Variants in DOCK4 observed in about 807,000 individuals in gnomAD.
The protein encoded by DOCK4 is dedicator of cytokinesis protein 4.
In DOCK4, 97 loss-of-function variants were observed where a neutral mutation model predicts 268.1. That is an observed-to-expected ratio of 0.36 (90% CI 0.31 to 0.43). The LOEUF (loss-of-function observed/expected upper bound fraction) is 0.43. DOCK4 is among the 20% of genes least tolerant of loss of function. The pLI is 1.00. For synonymous variants in DOCK4, 954 were observed against 887.2 expected (o/e 1.08, Z -1.34); for missense variants, 2,145 against 2,455.7 (o/e 0.87, Z 2.67).
intron 1 of DOCK4, among the ~76,000 whole-genome samples, chr7:112,158,313 C>T (rs1816800417): frequency 6.6e-6 from 1 of 152,170 alleles, no homozygotes; most frequent in African/African-American, 2.4e-5. Context: ...ATCCCTAGCA[C>T]CTATTGCTTA....
At chr7:111,933,034 C>T (rs1363195615) in intron 12 of DOCK4, among the ~76,000 whole-genome samples, 3 of 149,938 alleles carry the variant, frequency 2.0e-5, no homozygotes, top group Non-Finnish European at 4.4e-5. Flanking sequence ...CCATTTTATC[C>T]ATGGACAATC....
rs1794847194 is a variant in DOCK4, at chr7:111,728,725, T to C, written c.5482-5A>G. 1.2e-6 allele frequency: 2 copies of C among 1,601,430 alleles called. No individual in the cohort carries two copies. Among genetic ancestry groups the C allele is most frequent in the Non-Finnish European group, 1.7e-6 (2 of 1,173,008 alleles). On this transcript the variant is annotated splice_region_variant and splice_polypyrimidine_tract_variant and intron_variant, in intron 52 of 52. Coordinates refer to ENST00000428084, the MANE Select transcript of DOCK4 (RefSeq NM_001363540.2). ...GGTGAAAGACTGCACAGAGCCCTGC[T>C]CCGGGGAGAAGGAAACGAGAGGGAG...
intron 12 of DOCK4, among the ~76,000 whole-genome samples, chr7:111,921,068 T>G (rs927067618): frequency 6.6e-6 from 1 of 152,182 alleles, no homozygotes; most frequent in Non-Finnish European, 1.5e-5. Flanking sequence ...TTTAAGTCAC[T>G]TTTCTTAGAC....
chr7:111,895,789 A>G, intron 15 of DOCK4, 71 bp from the exon 16 acceptor site: 1 of 1,416,586 alleles, frequency 7.1e-7, no homozygotes, highest in Non-Finnish European at 9.9e-7. Context: ...AAGAAGCATA[A>G]TCATCGAGAA....
At chr7:112,037,574 T>G (rs1295276402) in intron 1 of DOCK4, among the ~76,000 whole-genome samples, 1 of 152,250 alleles carries the variant, frequency 6.6e-6, no homozygotes, top group East Asian at 1.9e-4. Context: ...TATGCCTGCC[T>G]TCTTTTGCTC....
chr7:112,119,188 G>A lies in DOCK4; in HGVS notation c.37+86914C>T, dbSNP rs149151598. Among the ~76,000 whole-genome samples the A allele has an allele frequency of 1.5e-3, 230 of 152,240 alleles. 1 individual carries two copies. Among genetic ancestry groups the A allele is most frequent in the African/African-American group, 5.0e-3 (209 of 41,536 alleles). ...CCAAGACAAGAAGTGAAAACAGCAG[G>A]GTGGGAGGGAAGCAGAGGAAGACAG... On this transcript the variant is annotated intron_variant, in intron 1 of 52. Transcript: ENST00000428084.
intron 1 of DOCK4, among the ~76,000 whole-genome samples, chr7:112,168,448 G>A (rs930403000): frequency 6.6e-6 from 1 of 152,164 alleles, no homozygotes; most frequent in African/African-American, 2.4e-5. Flanking sequence ...CAGGCACAGT[G>A]GTAATCTCAG....
intron 9 of DOCK4, 98 bp downstream of exon 9, chr7:111,945,619 C>A: frequency 9.4e-7 from 1 of 1,065,496 alleles, no homozygotes; most frequent in East Asian, 2.6e-5. Flanking sequence ...AGTTTAAAAG[C>A]AAATTCACTA....
At chr7:111,952,200 C>A (rs376509224) in intron 8 of DOCK4, among the ~76,000 whole-genome samples, 1 of 152,022 alleles carries the variant, frequency 6.6e-6, no homozygotes, top group East Asian at 1.9e-4. Flanking sequence ...GGAAATTACA[C>A]CTGTGACCAA....
intron 13 of DOCK4, among the ~76,000 whole-genome samples, chr7:111,914,199 A>T (rs904615503): frequency 6.6e-6 from 1 of 152,054 alleles, no homozygotes; most frequent in Admixed American, 6.6e-5. Flanking sequence ...CAAAGTATAA[A>T]CAGGTCTTAC....
chr7:112,063,613 T>C (rs1242939268), intron 1 of DOCK4, among the ~76,000 whole-genome samples: 3 of 152,194 alleles, frequency 2.0e-5, no homozygotes, highest in Non-Finnish European at 4.4e-5. Flanking sequence ...TGAATGCATA[T>C]TCGCTTTTGT....
chr7:111,743,725 G>A (rs999427126), intron 44 of DOCK4, among the ~76,000 whole-genome samples: 7 of 152,188 alleles, frequency 4.6e-5, no homozygotes, highest in Admixed American at 1.3e-4. Context: ...AGGGACAGAA[G>A]CCGGACTTGA....
At chr7:111,903,554 GT>G (rs955113968) in intron 13 of DOCK4, among the ~76,000 whole-genome samples, 1 of 152,140 alleles carries the variant, frequency 6.6e-6, no homozygotes, top group Non-Finnish European at 1.5e-5. Flanking sequence ...TACATTTTAT[GT>G]TTATTAGACT....
At chr7:111,899,003 T>C (rs1790902031) in intron 15 of DOCK4, among the ~76,000 whole-genome samples, 1 of 152,164 alleles carries the variant, frequency 6.6e-6, no homozygotes, top group African/African-American at 2.4e-5. Context: ...CCAGTGAGAA[T>C]TCATAACAAA....
At chr7:111,920,684 T>C (rs561346873) in intron 12 of DOCK4, among the ~76,000 whole-genome samples, 5 of 152,306 alleles carry the variant, frequency 3.3e-5, no homozygotes, top group African/African-American at 9.6e-5. Context: ...CAGTAACTTA[T>C]GGCTTGAGAG....
intron 1 of DOCK4, among the ~76,000 whole-genome samples, chr7:112,071,352 T>A (rs1045527262): frequency 6.6e-6 from 1 of 152,160 alleles, no homozygotes; most frequent in African/African-American, 2.4e-5. Context: ...TTCCCTCATG[T>A]ATATTCCACA....
At chr7:111,876,918 C>G in intron 17 of DOCK4, 112 bp downstream of exon 17, 1 of 1,026,140 alleles carries the variant, frequency 9.7e-7, no homozygotes, top group Non-Finnish European at 1.3e-6. Flanking sequence ...ATGGAAGGAT[C>G]AATAATTTTT....
intron 30 of DOCK4, among the ~76,000 whole-genome samples, chr7:111,805,715 A>C (rs1197379801): frequency 1.3e-5 from 2 of 152,234 alleles, no homozygotes; most frequent in Non-Finnish European, 2.9e-5. Flanking sequence ...ATATGGAAGA[A>C]TTTCAACACT....
intron 6 of DOCK4, among the ~76,000 whole-genome samples, chr7:111,986,192 G>T (rs1799040048): frequency 6.6e-6 from 1 of 152,122 alleles, no homozygotes; most frequent in Non-Finnish European, 1.5e-5. Flanking sequence ...ATTAGACATT[G>T]GCTGTCAATA....
Sources: gnomAD v4.1 joint callset for allele counts (sites outside exome capture counted in the v4.1 genomes callset) on GRCh38, gnomAD v4.1.1 for gene constraint, MANE v1.5 for transcripts, NCBI Gene and HGNC (gene_info 2026-07-23, HGNC 2026-07-21) for gene names.